Variants in KCNIP4 observed in about 807,000 individuals in gnomAD.
The protein encoded by KCNIP4 is potassium voltage-gated channel interacting protein 4.
A neutral mutation model predicts 34.0 loss-of-function variants in KCNIP4; 12 were observed. The observed-to-expected ratio is 0.35, with a 90% confidence interval of 0.23 to 0.57. The LOEUF (loss-of-function observed/expected upper bound fraction) is 0.57, where lower values mean the gene tolerates loss of function less well. KCNIP4 is among the 20% of genes least tolerant of loss of function. KCNIP4 has a pLI of 0.83. For synonymous variants in KCNIP4, 124 were observed against 102.2 expected (o/e 1.21, Z -1.29); for missense variants, 238 against 311.7 (o/e 0.76, Z 1.78).
At chr4:21,836,325 CAGCTTTTGCCTGAAAGTAGAA>C (rs1723315200) in intron 1 of KCNIP4, among the ~76,000 whole-genome samples, 1 of 152,128 alleles carries the variant, frequency 6.6e-6, no homozygotes, top group African/African-American at 2.4e-5. Flanking sequence ...TGTACATCAA[CAGCTTTTGCCTGAAAGTAGAA>C]AGCCTAGAAA....
chr4:21,532,383 A>T (rs1390064676), intron 1 of KCNIP4, among the ~76,000 whole-genome samples: 1 of 152,198 alleles, frequency 6.6e-6, no homozygotes, highest in East Asian at 1.9e-4. Context: ...ATGTTCATGA[A>T]CATACTTAAT....
intron 1 of KCNIP4, among the ~76,000 whole-genome samples, chr4:21,243,756 CTTGA>C (rs1400515990): frequency 1.3e-5 from 2 of 152,128 alleles, no homozygotes; most frequent in Non-Finnish European, 2.9e-5. Flanking sequence ...GTTCATATCT[CTTGA>C]TTGTCTGAGC....
intron 1 of KCNIP4, among the ~76,000 whole-genome samples, chr4:21,114,518 T>TA (rs1219197635): frequency 1.3e-5 from 2 of 151,868 alleles, no homozygotes; most frequent in African/African-American, 2.4e-5. Flanking sequence ...TAAAAAAGAA[T>TA]AAAAAAATAA....
chr4:21,105,304 T>C (rs1403577194), intron 1 of KCNIP4, among the ~76,000 whole-genome samples: 1 of 151,608 alleles, frequency 6.6e-6, no homozygotes, highest in Non-Finnish European at 1.5e-5. Context: ...CTTGAAGAGG[T>C]CCTTCACGTC....
intron 1 of KCNIP4, among the ~76,000 whole-genome samples, chr4:21,249,566 C>A (rs1760539517): frequency 6.6e-6 from 1 of 152,064 alleles, no homozygotes; most frequent in Non-Finnish European, 1.5e-5. Flanking sequence ...TAATGTATAT[C>A]AAGTGCCTGA....
chr4:21,669,157 A>G (rs1172408593), intron 1 of KCNIP4, among the ~76,000 whole-genome samples: 2 of 140,986 alleles, frequency 1.4e-5, no homozygotes, highest in Non-Finnish European at 3.1e-5. Flanking sequence ...TCCTTCCAAG[A>G]CAGGGTCACC....
At chr4:20,888,621 C>A (rs1264654303) in intron 1 of KCNIP4, among the ~76,000 whole-genome samples, 2 of 152,112 alleles carry the variant, frequency 1.3e-5, no homozygotes, top group Non-Finnish European at 2.9e-5. Context: ...AGAGACTAAA[C>A]ACTCTTTGTT....
intron 2 of KCNIP4, 48 bp from the exon 3 acceptor site, chr4:20,850,715 G>C: frequency 1.3e-6 from 2 of 1,595,844 alleles, no homozygotes; most frequent in Non-Finnish European, 1.7e-6. Context: ...ACTGCTCACC[G>C]ATGCTTACAC....
At chr4:21,424,605 AAAAGAAAG>A (rs3083788) in intron 1 of KCNIP4, among the ~76,000 whole-genome samples, 1 of 151,512 alleles carries the variant, frequency 6.6e-6, no homozygotes, top group African/African-American at 2.4e-5. Context: ...GAAAGAGAGA[AAAAGAAAG>A]AAAGAAAGAA....
At chr4:21,731,728 T>C (rs774394951) in intron 1 of KCNIP4, among the ~76,000 whole-genome samples, 1 of 152,188 alleles carries the variant, frequency 6.6e-6, no homozygotes, top group Non-Finnish European at 1.5e-5. Context: ...AGTCCTCTGA[T>C]ATACAGGACA....
intron 1 of KCNIP4, among the ~76,000 whole-genome samples, chr4:21,821,728 GATGA>G (rs1015587835): frequency 2.6e-5 from 4 of 152,058 alleles, no homozygotes; most frequent in African/African-American, 7.2e-5. Context: ...AATGATGTTA[GATGA>G]ATGAATGAAT....
chr4:20,910,955 A>T (rs1045480979), intron 1 of KCNIP4, among the ~76,000 whole-genome samples: 1 of 152,110 alleles, frequency 6.6e-6, no homozygotes, highest in African/African-American at 2.4e-5. Context: ...CCCACATATT[A>T]AAAAAAGGGA....
intron 1 of KCNIP4, among the ~76,000 whole-genome samples, chr4:21,196,613 G>A (rs62295289): frequency 0.44 from 66,561 of 151,594 alleles, 16,772 homozygotes; most frequent in African/African-American, 0.71. Context: ...TCTGACACTT[G>A]GTTTGCTGTT....
At chr4:20,977,108 T>C (rs577238795) in intron 1 of KCNIP4, among the ~76,000 whole-genome samples, 1 of 152,264 alleles carries the variant, frequency 6.6e-6, no homozygotes, top group African/African-American at 2.4e-5. Context: ...GCTGGGATTA[T>C]AGGTGTGAGC....
At chr4:21,628,850 G>T (rs1745518127) in intron 1 of KCNIP4, among the ~76,000 whole-genome samples, 1 of 152,122 alleles carries the variant, frequency 6.6e-6, no homozygotes, top group South Asian at 2.1e-4. Context: ...ATTTACATTT[G>T]ATTAGCACTT....
intron 1 of KCNIP4, among the ~76,000 whole-genome samples, chr4:20,982,669 G>T (rs1180754529): frequency 6.6e-6 from 1 of 152,144 alleles, no homozygotes; most frequent in Admixed American, 6.5e-5. Context: ...TAGAATAAAA[G>T]GACTTTCTGA....
At chr4:20,730,218 C>T in intron 8 of KCNIP4, 89 bp from the exon 9 acceptor site, 1 of 1,396,844 alleles carries the variant, frequency 7.2e-7, no homozygotes, top group South Asian at 1.6e-5. Flanking sequence ...CTCCTCCCAT[C>T]AACCACCTCA....
At chr4:20,880,410 A>C (rs895943187) in intron 2 of KCNIP4, among the ~76,000 whole-genome samples, 6 of 152,228 alleles carry the variant, frequency 3.9e-5, no homozygotes, top group African/African-American at 1.4e-4. Flanking sequence ...GCGTAGGTTC[A>C]GTATCAGCCA....
At chr4:21,027,569 A>G (rs1740662557) in intron 1 of KCNIP4, among the ~76,000 whole-genome samples, 1 of 148,788 alleles carries the variant, frequency 6.7e-6, no homozygotes, top group African/African-American at 2.4e-5. Context: ...TGTATGTTAT[A>G]TATATTATAA....
Sources: gnomAD v4.1 joint callset for allele counts (sites outside exome capture counted in the v4.1 genomes callset) on GRCh38, gnomAD v4.1.1 for gene constraint, MANE v1.5 for transcripts, NCBI Gene and HGNC (gene_info 2026-07-23, HGNC 2026-07-21) for gene names.